AVL9: variants seen among roughly 807,000 people sequenced by gnomAD.
The protein encoded by AVL9 is late secretory pathway protein AVL9 homolog.
Under a neutral mutation model 79.2 loss-of-function variants are expected in AVL9, and 49 were observed. That is an observed-to-expected ratio of 0.62 (90% CI 0.49 to 0.79). AVL9 has a LOEUF of 0.79. Ranked by LOEUF, AVL9 falls within the 30% of genes least tolerant of loss-of-function variation. The probability of loss-of-function intolerance (pLI) is 0.00; values close to 1 mark genes in which losing one functional copy is unlikely to be tolerated. For missense variants in AVL9, 682 were observed against 776.8 expected (o/e 0.88, Z 1.45); for synonymous variants, 299 against 280.6 (o/e 1.07, Z -0.65).
At chr7:32,537,409 A>G (rs1421146918) in intron 1 of AVL9, 1 of 151,884 alleles carries the variant, frequency 6.6e-6, no homozygotes, top group African/African-American at 2.4e-5. Flanking sequence ...ACTCAACAAT[A>G]GAGGATTGAT....
chr7:32,573,342 G>A lies in AVL9; in HGVS notation c.1494G>A (p.Trp498Ter). 6.2e-7 allele frequency: 1 copy of A among 1,613,856 alleles called. No individual in the cohort carries two copies. Among genetic ancestry groups the A allele is most frequent in the Non-Finnish European group, 8.5e-7 (1 of 1,179,986 alleles). The change falls in exon 12 of 16, where the codon TGG (tryptophan) becomes TGA (stop). Residue 498 changes from tryptophan (W) to a stop codon, truncating the protein, a stop_gained. Transcript: ENST00000318709. LOFTEE classifies it high-confidence loss of function. ...ACGTCTTCCTAGATGGCACGGGCTG[G>A]GAGGGAGGTGACGAATGGATCCGGG... Reference protein sequence around the residue: ...RDDVFLDGTGWEGGDEWIRAQ... With the variant: ...RDDVFLDGTG
chr7:32,513,655 G>A (rs533355640), intron 1 of AVL9, among the ~76,000 whole-genome samples: 39 of 152,350 alleles, frequency 2.6e-4, no homozygotes, highest in African/African-American at 8.7e-4. Context: ...TCGCAAGGTG[G>A]AGACGAGAGA....
At position 32,495,758 on chromosome 7, in the gene AVL9, C is replaced by G. The variant is rs1719792095; in HGVS notation, c.49C>G (p.Leu17Val). The G allele has an allele frequency of 2.4e-6, 3 of 1,260,528 alleles. No homozygotes were observed. Among genetic ancestry groups the G allele is most frequent in the Non-Finnish European group, 3.0e-6 (3 of 992,664 alleles). 78.1% of individuals were successfully genotyped at this position (1,260,528 alleles called of 1,614,324 possible). A position where few individuals can be genotyped will look rare whatever the true frequency, so the allele number is the denominator to read the frequency against. The change falls in exon 1 of 16, where the codon CTG becomes GTG. Residue 17 changes from leucine (L) to valine (V), a missense_variant. Coordinates refer to ENST00000318709, the MANE Select transcript of AVL9 (RefSeq NM_015060.3). Reference sequence around the variant, plus strand: ...GGATGGCGTCCCCCGGGGGCCCGTACTGCACATCGTGGTGGTCGGATTTCA... The same window carrying G: ...GGATGGCGTCCCCCGGGGGCCCGTAGTGCACATCGTGGTGGTCGGATTTCA... Reference protein sequence around the residue: ...GGDGVPRGPVLHIVVVGFHHK... With the variant: ...GGDGVPRGPVVHIVVVGFHHK...
chr7:32,570,721 G>C (rs1399845425), intron 11 of AVL9, among the ~76,000 whole-genome samples: 1 of 151,122 alleles, frequency 6.6e-6, no homozygotes. Context: ...CTGGGTTCAA[G>C]CAATTCTTCT....
chr7:32,529,016 C>CA (rs1788524648), intron 1 of AVL9, among the ~76,000 whole-genome samples: 1 of 152,062 alleles, frequency 6.6e-6, no homozygotes, highest in Middle Eastern at 3.4e-3. Flanking sequence ...TCTCAAAAAA[C>CA]AAAAAAATGT....
At chr7:32,559,706 CA>C (rs1790249309) in intron 10 of AVL9, among the ~76,000 whole-genome samples, 1 of 152,106 alleles carries the variant, frequency 6.6e-6, no homozygotes, top group South Asian at 2.1e-4. Flanking sequence ...GTCATATGCA[CA>C]ATCACTCTCT....
chr7:32,501,435 G>C (rs1333451806), intron 1 of AVL9, among the ~76,000 whole-genome samples: 1 of 152,196 alleles, frequency 6.6e-6, no homozygotes, highest in African/African-American at 2.4e-5. Flanking sequence ...TCTGAAACAA[G>C]ATTGCATTTT....
intron 3 of AVL9, among the ~76,000 whole-genome samples, chr7:32,546,844 T>G (rs1201086231): frequency 6.6e-6 from 1 of 151,478 alleles, no homozygotes; most frequent in Non-Finnish European, 1.5e-5. Flanking sequence ...AAATAAAAAA[T>G]AAAAAGATAA....
In AVL9 at chr7:32,502,392, C is replaced by CA. The variant is rs70992721; in HGVS notation, c.93+6607dup. 3.8e-3 allele frequency among the ~76,000 whole-genome samples: 434 copies of CA among 114,350 alleles called. 11 individuals are homozygous for CA. Among genetic ancestry groups the CA allele is most frequent in the African/African-American group, 0.013 (404 of 30,342 alleles). The allele number at this position is 114,350 out of a possible 152,430, so 75.0% of individuals were successfully genotyped here. Reference sequence around the variant, plus strand: ...TGGGTGAGAGAGTAAAACCCTTTCTCAAAAAAAAAAAAAAAAAGAAAGAAA... The same window carrying CA: ...TGGGTGAGAGAGTAAAACCCTTTCTCAAAAAAAAAAAAAAAAAAGAAAGAAA... On this transcript the variant is annotated intron_variant, in intron 1 of 15. Transcript: ENST00000318709.
At chr7:32,501,031 A>C (rs556817011) in intron 1 of AVL9, among the ~76,000 whole-genome samples, 1 of 152,354 alleles carries the variant, frequency 6.6e-6, no homozygotes, top group Non-Finnish European at 1.5e-5. Flanking sequence ...CAGTGAGTAA[A>C]GCAACCAGCA....
intron 1 of AVL9, among the ~76,000 whole-genome samples, chr7:32,509,782 G>A (rs151221391): frequency 0.011 from 1,718 of 152,204 alleles, 35 homozygotes; most frequent in African/African-American, 0.038. Context: ...ACTGAGAGGT[G>A]GAGGTTGCAG....
rs1270852855 is a variant in AVL9, at chr7:32,580,802, T to G, written c.1743T>G (p.His581Gln). Residue 581 changes from histidine to glutamine, a missense_variant and splice_region_variant, in exon 15 of 16, where the codon CAT (histidine) becomes CAG (glutamine). Transcript: ENST00000318709. ...SVSDMKLRFS[H>Q]SVQNSERGKK... ...TTCTTTTATCTTATCTTTTACCCAG[T>G]TCTGTTCAGAATAGTGAACGTGGCA... 8 of 1,612,088 alleles carry G rather than the reference T, an allele frequency of 5.0e-6. No individual in the cohort carries two copies. In the South Asian group the frequency reaches 8.8e-5, roughly 18 times the overall value.
chr7:32,528,371 C>T (rs925832205), intron 1 of AVL9, among the ~76,000 whole-genome samples: 2 of 152,188 alleles, frequency 1.3e-5, no homozygotes, highest in African/African-American at 4.8e-5. Context: ...CTTAACCTTG[C>T]AAAATAAACT....
chr7:32,537,384 TAAAAAACTA>T (rs1322968057), intron 1 of AVL9: 1 of 151,740 alleles, frequency 6.6e-6, no homozygotes, highest in Non-Finnish European at 1.5e-5. Context: ...TATAATGTTT[TAAAAAACTA>T]GAAAAACTCA....
Position 32,585,708 on chromosome 7 carries a change from T to C in AVL9, c.*1801T>C, listed in dbSNP as rs1791746205. ...CCACTTTGTGTTTTCTAAACACAAA[T>C]TGTATTACTCATTTGAGCATAACTC... On this transcript the variant is annotated 3_prime_UTR_variant, in exon 16 of 16. Transcript: ENST00000318709. 6.7e-6 allele frequency: 1 copy of C among 150,218 alleles called. No individual in the cohort carries two copies. Among genetic ancestry groups the C allele is most frequent in the African/African-American group, 2.4e-5 (1 of 41,286 alleles). 9.3% of individuals were successfully genotyped at this position (150,218 alleles called of 1,614,324 possible).
chr7:32,545,915 A>G (rs1789474748), intron 3 of AVL9, among the ~76,000 whole-genome samples: 2 of 152,242 alleles, frequency 1.3e-5, no homozygotes, highest in Non-Finnish European at 2.9e-5. Context: ...AGCTAGGATG[A>G]GTGGGTCTGC....
Position 32,576,028 on chromosome 7 carries a change from G to A in AVL9, c.1644G>A (p.Val548=). The change falls in exon 13 of 16, where the codon GTG becomes GTA. Residue 548 remains valine (V), a synonymous_variant. Transcript: ENST00000318709. ...TAWKNTHNYR[V]WNSNKHPALA... ...GGAAGAATACTCACAACTACAGGGT[G>A]TGGAACAGCAACAAGCATCCAGCAC... The A allele has an allele frequency of 6.2e-7, 1 of 1,614,108 alleles. No individual in the cohort carries two copies. Among genetic ancestry groups the A allele is most frequent in the Non-Finnish European group, 8.5e-7 (1 of 1,179,968 alleles).
At chr7:32,533,914 C>T (rs1164363246) in intron 1 of AVL9, 1 of 152,148 alleles carries the variant, frequency 6.6e-6, no homozygotes, top group Non-Finnish European at 1.5e-5. Context: ...AAAAAGTGAA[C>T]AGAGGGTATT....
intron 4 of AVL9, among the ~76,000 whole-genome samples, chr7:32,550,692 A>G (rs557609944): frequency 1.3e-5 from 2 of 152,326 alleles, no homozygotes; most frequent in Middle Eastern, 3.4e-3. Flanking sequence ...AAGATTCTAA[A>G]TAGAGAAATA....
Sources: allele counts gnomAD v4.1 joint callset (sites outside exome capture counted in the v4.1 genomes callset), GRCh38; gene constraint gnomAD v4.1.1; transcripts MANE v1.5; gene names NCBI Gene and HGNC (gene_info 2026-07-23, HGNC 2026-07-21).